Variants in UNC13B observed in about 807,000 individuals in gnomAD.
The protein encoded by UNC13B is unc-13 homolog B, also known as protein unc-13 homolog B.
Under a neutral mutation model 211.0 loss-of-function variants are expected in UNC13B, and 144 were observed. The ratio of observed to expected loss-of-function variants is 0.68; its 90% CI spans 0.60 to 0.78. The LOEUF (loss-of-function observed/expected upper bound fraction) is 0.78, where lower values mean the gene tolerates loss of function less well. UNC13B is among the 30% of genes least tolerant of loss of function. UNC13B has a pLI of 0.00. For missense variants in UNC13B, 1,777 were observed against 2,002.0 expected (o/e 0.89, Z 2.14); for synonymous variants, 709 against 725.8 (o/e 0.98, Z 0.37).
chr9:35,200,745 T>C (rs1408532225), intron 1 of UNC13B, among the ~76,000 whole-genome samples: 14 of 152,210 alleles, frequency 9.2e-5, no homozygotes, highest in Non-Finnish European at 1.9e-4. Flanking sequence ...GCTGAGATGA[T>C]GGGGTTTTCT....
intron 7 of UNC13B, among the ~76,000 whole-genome samples, chr9:35,259,909 T>C (rs1055151761): frequency 4.6e-5 from 7 of 151,384 alleles, no homozygotes; most frequent in African/African-American, 1.7e-4. Context: ...TTTGTTGTTG[T>C]AATATTAGTA....
intron 21 of UNC13B, among the ~76,000 whole-genome samples, chr9:35,383,085 C>T (rs1013790504): frequency 3.9e-5 from 6 of 152,164 alleles, no homozygotes; most frequent in Non-Finnish European, 7.3e-5. Flanking sequence ...GGTTGAATTA[C>T]GATAGTCTTC....
intron 6 of UNC13B, among the ~76,000 whole-genome samples, chr9:35,257,833 G>C (rs10972410): frequency 6.6e-6 from 1 of 152,032 alleles, no homozygotes; most frequent in Admixed American, 6.6e-5. Context: ...ATACTCATAA[G>C]AGTGTTACGT....
chr9:35,399,619 T>A, intron 35 of UNC13B, 30 bp from the exon 36 acceptor site: 5 of 1,611,812 alleles, frequency 3.1e-6, no homozygotes, highest in Non-Finnish European at 4.2e-6. Flanking sequence ...TGCTGTGAGC[T>A]GTCCTGATGC....
intron 1 of UNC13B, among the ~76,000 whole-genome samples, chr9:35,168,687 G>A (rs1821174104): frequency 6.7e-6 from 1 of 148,594 alleles, no homozygotes; most frequent in Admixed American, 6.8e-5. Flanking sequence ...TTTTCCATAT[G>A]AACATGTATT....
chr9:35,400,008 A>G (rs1256169963), intron 36 of UNC13B, among the ~76,000 whole-genome samples: 1 of 152,198 alleles, frequency 6.6e-6, no homozygotes, highest in Admixed American at 6.5e-5. Context: ...GATGGGTAAA[A>G]GAGCACTTTT....
In UNC13B at chr9:35,245,065, CTTTACTTTGTGT is replaced by C. The variant is rs879336186; in HGVS notation, c.468+1705_468+1716del. On this transcript the variant is annotated intron_variant, in intron 6 of 39. Coordinates refer to ENST00000635942, the MANE Select transcript of UNC13B (RefSeq NM_001371189.2). The stretch of plus-strand genomic sequence containing the variant: ...AGCATTTGTGCTATCTTTGCATGTA[CTTTACTTTGTGT>C]TTTCGTTCTTCCCAAGCCTGGCTGT... 5.3e-3 allele frequency among the ~76,000 whole-genome samples: 805 copies of C among 152,246 alleles called. 7 individuals carry two copies. Among genetic ancestry groups the C allele is most frequent in the Non-Finnish European group, 7.2e-3 (493 of 68,012 alleles).
chr9:35,299,176 G>T (rs975885162), intron 8 of UNC13B, among the ~76,000 whole-genome samples: 1 of 152,146 alleles, frequency 6.6e-6, no homozygotes, highest in Non-Finnish European at 1.5e-5. Context: ...ACATTGCAAT[G>T]AGCTGAGAAT....
intron 7 of UNC13B, among the ~76,000 whole-genome samples, chr9:35,270,751 A>T (rs1827829002): frequency 6.6e-6 from 1 of 152,184 alleles, no homozygotes; most frequent in Non-Finnish European, 1.5e-5. Context: ...GTAGAAGTTA[A>T]TCAAGGTTCA....
chr9:35,376,237 C>G lies in UNC13B; in HGVS notation c.9825C>G (p.Asp3275Glu), dbSNP rs149889294. 18 of 1,613,576 alleles carry G rather than the reference C, an allele frequency of 1.1e-5. No individual in the cohort carries two copies. Among genetic ancestry groups the G allele is most frequent in the Non-Finnish European group, 1.5e-5 (18 of 1,180,008 alleles). ...HEKCQDLLNA[D>E]CLQRAAEKSC... ...AGTGCCAGGATCTGCTCAATGCTGACTGCCTGCAGCGTGAGTGCCCTGCGG... is the reference window on the plus strand; with the variant it reads ...AGTGCCAGGATCTGCTCAATGCTGAGTGCCTGCAGCGTGAGTGCCCTGCGG... The change falls in exon 15 of 40, where the codon GAC (aspartate) becomes GAG (glutamate). Residue 3275 changes from aspartate (D) to glutamate (E), a missense_variant. Physicochemically the swap from Asp to Glu is conservative, Grantham distance 45 (BLOSUM62 2). Transcript: ENST00000635942.
intron 7 of UNC13B, among the ~76,000 whole-genome samples, chr9:35,273,474 T>C (rs1828006043): frequency 6.6e-6 from 1 of 152,218 alleles, no homozygotes; most frequent in Admixed American, 6.5e-5. Flanking sequence ...CTGATATTCA[T>C]ATTCCTAGTG....
chr9:35,281,263 A>AG (rs963920440), intron 7 of UNC13B, among the ~76,000 whole-genome samples: 2 of 151,786 alleles, frequency 1.3e-5, no homozygotes, highest in African/African-American at 4.8e-5. Context: ...AAAAAAAAAA[A>AG]AAATTAGCTG....
intron 1 of UNC13B, among the ~76,000 whole-genome samples, chr9:35,215,097 G>A (rs10972382): frequency 3.3e-5 from 5 of 152,108 alleles, no homozygotes; most frequent in African/African-American, 7.2e-5. Context: ...TAGAACAGTT[G>A]TTAAACATGA....
At chr9:35,241,858 T>A (rs988744652) in intron 5 of UNC13B, among the ~76,000 whole-genome samples, 4 of 152,294 alleles carry the variant, frequency 2.6e-5, no homozygotes, top group South Asian at 2.1e-4. Flanking sequence ...TGTGTGTAAG[T>A]GTTTTTAAAT....
intron 20 of UNC13B, 73 bp downstream of exon 20, chr9:35,381,792 T>C (rs1587737624): frequency 6.4e-7 from 1 of 1,566,398 alleles, no homozygotes; most frequent in African/African-American, 1.3e-5. Flanking sequence ...ACTGACATGG[T>C]GGGCAGGTCC....
chr9:35,337,940 T>C (rs1831755623), intron 11 of UNC13B, among the ~76,000 whole-genome samples: 1 of 152,242 alleles, frequency 6.6e-6, no homozygotes, highest in Non-Finnish European at 1.5e-5. Flanking sequence ...ATGTCAAATT[T>C]TGGATTCCTT....
At chr9:35,204,795 T>A (rs1001369979) in intron 1 of UNC13B, among the ~76,000 whole-genome samples, 12 of 152,254 alleles carry the variant, frequency 7.9e-5, no homozygotes, top group African/African-American at 2.4e-4. Flanking sequence ...TTGTCTCAGA[T>A]GTCACTTTGG....
intron 1 of UNC13B, among the ~76,000 whole-genome samples, chr9:35,192,813 C>T (rs1345794098): frequency 1.3e-5 from 2 of 152,112 alleles, no homozygotes; most frequent in Non-Finnish European, 2.9e-5. Flanking sequence ...GAATGTACTC[C>T]AGAGGGGTGC....
intron 17 of UNC13B, among the ~76,000 whole-genome samples, chr9:35,379,729 A>G (rs898626757): frequency 2.0e-5 from 3 of 152,190 alleles, no homozygotes; most frequent in Non-Finnish European, 2.9e-5. Flanking sequence ...CTCCTTGTTG[A>G]TTTGTCTATT....
Sources: gnomAD v4.1 joint callset for allele counts (sites outside exome capture counted in the v4.1 genomes callset) on GRCh38, gnomAD v4.1.1 for gene constraint, MANE v1.5 for transcripts, NCBI Gene and HGNC (gene_info 2026-07-23, HGNC 2026-07-21) for gene names.